SPATA32: variants seen among roughly 807,000 people sequenced by gnomAD.
The protein encoded by SPATA32 is spermatogenesis associated 32, also known as spermatogenesis-associated protein 32.
Under a neutral mutation model 35.4 loss-of-function variants are expected in SPATA32, and 28 were observed. That is an observed-to-expected ratio of 0.79 (90% CI 0.59 to 1.09). The LOEUF is 1.09. SPATA32 is among the 50% of genes least tolerant of loss of function. The pLI is 0.00. For synonymous variants in SPATA32, 168 were observed against 196.3 expected (o/e 0.86, Z 1.20); for missense variants, 409 against 475.9 (o/e 0.86, Z 1.31).
chr17:45,256,483 G>A lies in SPATA32; in HGVS notation c.69-68C>T. 1 of 1,407,080 alleles carries A rather than the reference G, an allele frequency of 7.1e-7. No individual in the cohort carries two copies. The highest frequency in any genetic ancestry group is 1.0e-6 in the Non-Finnish European group (1 of 991,610). 87.2% of individuals were successfully genotyped at this position (1,407,080 alleles called of 1,614,324 possible). ...GCTTCAGCGGGAAGGGGGTTTCTGG[G>A]GCCCTCAAAGCCCTCTGCCTTGTAA... On this transcript the variant is annotated intron_variant, in intron 2 of 4. Coordinates refer to ENST00000331780, the MANE Select transcript of SPATA32 (RefSeq NM_152343.3). The surrounding 1 kb of genome is among the most constrained non-coding windows in gnomAD (Gnocchi z 4.7).
At chr17:45,261,461 TG>T (rs907240023) in intron 1 of SPATA32, among the ~76,000 whole-genome samples, 1 of 152,086 alleles carries the variant, frequency 6.6e-6, no homozygotes, top group African/African-American at 2.4e-5. Flanking sequence ...ACCATTTCAG[TG>T]GGGGATCTGA....
intron 1 of SPATA32, among the ~76,000 whole-genome samples, chr17:45,258,491 A>T (rs2043977450): frequency 6.6e-6 from 1 of 152,156 alleles, no homozygotes; most frequent in Non-Finnish European, 1.5e-5. Context: ...TATGGACAGG[A>T]GAAGAAATTA....
intron 1 of SPATA32, 52 bp from the exon 2 acceptor site, chr17:45,257,259 C>G (rs1206445175): frequency 6.4e-7 from 1 of 1,567,096 alleles, no homozygotes; most frequent in Admixed American, 1.8e-5. Flanking sequence ...GAGGACAGTC[C>G]CAGAGGGATT....
chr17:45,256,601 C>T lies in SPATA32; in HGVS notation c.69-186G>A, dbSNP rs568300375. 6.6e-5 allele frequency among the ~76,000 whole-genome samples: 10 copies of T among 152,162 alleles called. 1 individual carries two copies. The South Asian group carries it at 1.7e-3, about 25-fold the overall frequency. The stretch of plus-strand genomic sequence containing the variant: ...CACTCCACTGCCACCAGGAAGTCTG[C>T]GGTTGTATTCTGAAACTTTAGTGAG... On this transcript the variant is annotated intron_variant, in intron 2 of 4. Transcript: ENST00000331780. The surrounding 1 kb of genome is among the most constrained non-coding windows in gnomAD (Gnocchi z 4.7).
Position 45,256,195 on chromosome 17 carries a change from C to T in SPATA32, c.109-122G>A. 1 of 1,316,956 alleles carries T rather than the reference C, an allele frequency of 7.6e-7. No homozygotes were observed. The highest frequency in any genetic ancestry group is 1.1e-6 in the Non-Finnish European group (1 of 932,204). The allele number at this position is 1,316,956 out of a possible 1,614,324, so 81.6% of individuals were successfully genotyped here. On this transcript the variant is annotated intron_variant, in intron 3 of 4. Coordinates refer to ENST00000331780, the MANE Select transcript of SPATA32 (RefSeq NM_152343.3). This position sits in a 1 kb window ranked among gnomAD's most constrained non-coding sequence, Gnocchi z 4.7. ...GGTCCTGCTGTCTTCCCCCCGCCCC[C>T]TAACCCCATGCCTGCCTCCTCTCAG...
chr17:45,254,586 C>G (rs758762472), intron 4 of SPATA32, 73 bp from the exon 5 acceptor site: 35 of 1,432,442 alleles, frequency 2.4e-5, no homozygotes, highest in Non-Finnish European at 5.9e-6. Context: ...CCCAGAGGCC[C>G]CTCTGAAGAG....
At chr17:45,260,966 T>C (rs2044000408) in intron 1 of SPATA32, 1 of 152,238 alleles carries the variant, frequency 6.6e-6, no homozygotes, top group Admixed American at 6.5e-5. Flanking sequence ...TGGAAAGCCT[T>C]CTTCTGGCAA....
Position 45,255,025 on chromosome 17 carries a change from C to T in SPATA32, c.1067+90G>A. The T allele has an allele frequency of 7.8e-7, 1 of 1,283,034 alleles. No individual in the cohort carries two copies. Among genetic ancestry groups the T allele is most frequent in the Non-Finnish European group, 1.1e-6 (1 of 914,098 alleles). The allele number at this position is 1,283,034 out of a possible 1,614,324, so 79.5% of individuals were successfully genotyped here. ...ATCCTGCTCCCAGGCCCTCATTCCA[C>T]TGTTCCCCACCCCTACCCAGCTGTG... On this transcript the variant is annotated intron_variant, in intron 4 of 4. Transcript: ENST00000331780. This position sits in a 1 kb window ranked among gnomAD's most constrained non-coding sequence, Gnocchi z 5.4.
At chr17:45,260,748 G>A (rs1416444679) in intron 1 of SPATA32, 1 of 152,156 alleles carries the variant, frequency 6.6e-6, no homozygotes, top group East Asian at 1.9e-4. Context: ...CTCCAACCTG[G>A]ATTTTCAATG....
chr17:45,259,537 G>GT (rs1051802307), intron 1 of SPATA32, among the ~76,000 whole-genome samples: 4 of 151,628 alleles, frequency 2.6e-5, no homozygotes, highest in Non-Finnish European at 4.4e-5. Flanking sequence ...AAAATACATT[G>GT]TTTTTTTTGA....
Position 45,256,518 on chromosome 17 carries a change from G to A in SPATA32, c.69-103C>T, listed in dbSNP as rs1359538234. 3.0e-6 allele frequency: 3 copies of A among 1,010,476 alleles called. No individual in the cohort carries two copies. The highest frequency in any genetic ancestry group is 4.7e-6 in the Non-Finnish European group (3 of 640,128). The allele number at this position is 1,010,476 out of a possible 1,614,324, so 62.6% of individuals were successfully genotyped here. A position where few individuals can be genotyped will look rare whatever the true frequency, so the allele number is the denominator to read the frequency against. ...GCCCTCTGCCTTGTAACAGAAGCTG[G>A]CACGATGCACCTCCCGCCGACCACC... On this transcript the variant is annotated intron_variant, in intron 2 of 4. Transcript: ENST00000331780. The surrounding 1 kb of genome is among the most constrained non-coding windows in gnomAD (Gnocchi z 4.7).
At chr17:45,254,795 A>C (rs898289623) in intron 4 of SPATA32, among the ~76,000 whole-genome samples, 1 of 152,078 alleles carries the variant, frequency 6.6e-6, no homozygotes, top group Non-Finnish European at 1.5e-5. Flanking sequence ...AGCATTCCCA[A>C]CCTTGGTGAG....
At chr17:45,261,908 C>T (rs1447308411) in intron 1 of SPATA32, 96 bp downstream of exon 1, 2 of 1,228,562 alleles carry the variant, frequency 1.6e-6, no homozygotes, top group African/African-American at 1.5e-5. Context: ...GGGCCCTGGG[C>T]GGATTCCTGA....
At chr17:45,258,155 G>A (rs1347774315) in intron 1 of SPATA32, among the ~76,000 whole-genome samples, 6 of 152,188 alleles carry the variant, frequency 3.9e-5, no homozygotes, top group Admixed American at 3.9e-4. Context: ...ATGTACTGCG[G>A]TCTCTTCCTA....
Position 45,256,061 on chromosome 17 carries a change from T to C in SPATA32, c.121A>G (p.Met41Val), listed in dbSNP as rs752464838. Residue 41 changes from methionine to valine, a missense_variant, in exon 4 of 5, where the codon ATG becomes GTG. By Grantham distance (21) the Met-to-Val change is conservative (BLOSUM62 1). Coordinates refer to ENST00000331780, the MANE Select transcript of SPATA32 (RefSeq NM_152343.3). This position sits in a 1 kb window ranked among gnomAD's most constrained non-coding sequence, Gnocchi z 4.7. ...IQEEQELEAD[M>V]LEQKPQLQVD... Reference sequence around the variant, plus strand: ...TGGAGTTGGGGCTTCTGCTCTAGCATGTCTGCCTCCAGCTGAAATGTTTCA... The same window carrying C: ...TGGAGTTGGGGCTTCTGCTCTAGCACGTCTGCCTCCAGCTGAAATGTTTCA... 2 of 1,602,068 alleles carry C rather than the reference T, an allele frequency of 1.2e-6. No individual in the cohort carries two copies. Among genetic ancestry groups the C allele is most frequent in the South Asian group, 1.1e-5 (1 of 90,198 alleles).
intron 1 of SPATA32, among the ~76,000 whole-genome samples, chr17:45,259,491 G>A (rs868424036): frequency 6.6e-6 from 1 of 152,074 alleles, no homozygotes; most frequent in African/African-American, 2.4e-5. Flanking sequence ...TTATTTGAGT[G>A]ATAATTCTTT....
chr17:45,255,822 C>T lies in SPATA32; in HGVS notation c.360G>A (p.Thr120=), dbSNP rs748929568. The T allele has an allele frequency of 3.7e-6, 6 of 1,614,148 alleles. No individual in the cohort carries two copies. Among genetic ancestry groups the T allele is most frequent in the Middle Eastern group, 3.3e-4 (2 of 6,062 alleles). The change falls in exon 4 of 5, where the codon ACG becomes ACA. Residue 120 remains threonine, a synonymous_variant. Transcript: ENST00000331780. This position sits in a 1 kb window ranked among gnomAD's most constrained non-coding sequence, Gnocchi z 5.4. ...GACTCCACGGTCTGAAGGTCTGTGGCGTGGGCAGCCCCATGTTGGAGTGGA... is the reference window on the plus strand; with the variant it reads ...GACTCCACGGTCTGAAGGTCTGTGGTGTGGGCAGCCCCATGTTGGAGTGGA... ...ESVHSNMGLP[T]PQTFRPWSLN... is the part of the protein sequence containing the mutation.
Position 45,255,993 on chromosome 17 carries a change from T to C in SPATA32, c.189A>G (p.Glu63=). The C allele has an allele frequency of 6.2e-7, 1 of 1,614,036 alleles. No homozygotes were observed. The highest frequency in any genetic ancestry group is 8.5e-7 in the Non-Finnish European group (1 of 1,180,008). ...AAGCCGGCACCTGTCCGATCTCCAGTTCTGGGTCTGGGTCTGGGTCTGGGT... is the reference window on the plus strand; with the variant it reads ...AAGCCGGCACCTGTCCGATCTCCAGCTCTGGGTCTGGGTCTGGGTCTGGGT... ...DLDPDPDPDP[E]LEIGQVPALL... The change falls in exon 4 of 5, where the codon GAA becomes GAG. Residue 63 remains glutamate (E), a synonymous_variant. Transcript: ENST00000331780. The surrounding 1 kb of genome is among the most constrained non-coding windows in gnomAD (Gnocchi z 5.4).
intron 1 of SPATA32, among the ~76,000 whole-genome samples, chr17:45,258,726 C>T (rs942754870): frequency 2.0e-5 from 3 of 150,894 alleles, no homozygotes; most frequent in Non-Finnish European, 4.4e-5. Context: ...CCTCCGCCTC[C>T]TGAGATCAAG....
Sources: gnomAD v4.1 joint callset for allele counts (sites outside exome capture counted in the v4.1 genomes callset) on GRCh38, gnomAD v4.1.1 for gene constraint, Gnocchi (gnomAD v3.1) non-coding constraint, MANE v1.5 for transcripts, NCBI Gene and HGNC (gene_info 2026-07-23, HGNC 2026-07-21) for gene names.